STIM1: variants seen among roughly 807,000 people sequenced by gnomAD.
The protein encoded by STIM1 is stromal interaction molecule 1.
In STIM1, 25 loss-of-function variants were observed where a neutral mutation model predicts 74.7. That is an observed-to-expected ratio of 0.33 (90% confidence interval 0.24 to 0.47). STIM1 has a LOEUF of 0.47. Ranked by LOEUF, STIM1 falls within the 20% of genes least tolerant of loss-of-function variation. The probability of loss-of-function intolerance (pLI) is 1.00; values close to 1 mark genes in which losing one functional copy is unlikely to be tolerated. For synonymous variants in STIM1, 328 were observed against 348.8 expected, an observed-to-expected ratio of 0.94 and a Z score of 0.66; for missense variants, 728 against 920.8, an observed-to-expected ratio of 0.79 and a Z score of 2.71.
intron 2 of STIM1, among the ~76,000 whole-genome samples, chr11:3,984,600 G>A (rs998815964): frequency 2.6e-5 from 4 of 152,174 alleles, no homozygotes; most frequent in Non-Finnish European, 4.4e-5. Flanking sequence ...CAAGTTATTT[G>A]GCCCAGCTCA....
At chr11:3,973,946 A>C (rs896182326) in intron 2 of STIM1, 1 of 554,952 alleles carries the variant, frequency 1.8e-6, no homozygotes, top group East Asian at 3.0e-5. Flanking sequence ...TATCCTTTTC[A>C]TAGTTAAGTG....
At chr11:3,954,929 C>T (rs762037189) in intron 1 of STIM1, among the ~76,000 whole-genome samples, 2 of 152,162 alleles carry the variant, frequency 1.3e-5, no homozygotes, top group Non-Finnish European at 2.9e-5. Context: ...AACATATGTT[C>T]ATACAAAGAC....
intron 2 of STIM1, among the ~76,000 whole-genome samples, chr11:4,012,027 T>C (rs1394182254): frequency 6.6e-6 from 1 of 152,170 alleles, no homozygotes; most frequent in Non-Finnish European, 1.5e-5. Context: ...AAATATTAGA[T>C]GGTTGTAGAT....
At chr11:4,001,901 G>A (rs1186557789) in intron 2 of STIM1, among the ~76,000 whole-genome samples, 3 of 136,452 alleles carry the variant, frequency 2.2e-5, no homozygotes, top group African/African-American at 2.8e-5. Context: ...GATCTACCAA[G>A]CAAATGGAAA....
rs199743104 is a variant in STIM1 at position 4,070,042 on chromosome 11, C to G, written c.630C>G (p.His210Gln). The change falls in exon 6 of 13, where the codon CAC becomes CAG. Residue 210 changes from histidine to glutamine, a missense_variant. This residue lies in a region of STIM1 where 132 missense variants were observed against 158.2 expected (regional missense o/e 0.83). Transcript: ENST00000526596. Reference protein sequence around the residue: ...FGPPLLTRHNHLKDFMLVVSI... With the variant: ...FGPPLLTRHNQLKDFMLVVSI... Reference sequence around the variant, plus strand: ...CTCTGGCAGTGACTCGCCATAATCACCTCAAGGACTTCATGCTGGTGGTGT... The same window carrying G: ...CTCTGGCAGTGACTCGCCATAATCAGCTCAAGGACTTCATGCTGGTGGTGT... 1 of 1,614,158 alleles carries G rather than the reference C, an allele frequency of 6.2e-7. No homozygotes were observed. The highest frequency in any genetic ancestry group is 1.7e-5 in the Admixed American group (1 of 60,012).
chr11:4,028,370 C>CCACACTTGGCCAG, intron 3 of STIM1, among the ~76,000 whole-genome samples: 1 of 151,992 alleles, frequency 6.6e-6, no homozygotes, highest in African/African-American at 2.4e-5. Flanking sequence ...GCGTGAGCCA[C>CCACACTTGGCCAG]TGTGCCTGGT....
At chr11:4,012,103 A>T (rs978271071) in intron 2 of STIM1, among the ~76,000 whole-genome samples, 7 of 152,210 alleles carry the variant, frequency 4.6e-5, no homozygotes, top group African/African-American at 1.7e-4. Flanking sequence ...TGGTACCAGT[A>T]CCATGCTGTT....
intron 12 of STIM1, chr11:4,086,827 A>G: frequency 6.5e-7 from 1 of 1,535,816 alleles, no homozygotes; most frequent in Non-Finnish European, 8.7e-7. Flanking sequence ...TTCTGACAGC[A>G]CCGCTGTGAT....
At chr11:3,863,736 A>C (rs2090733449) in intron 1 of STIM1, among the ~76,000 whole-genome samples, 2 of 152,130 alleles carry the variant, frequency 1.3e-5, no homozygotes, top group Non-Finnish European at 2.9e-5. Context: ...TTAGTCACTT[A>C]GTAGCCATCT....
chr11:4,002,527 C>G (rs2093729266), intron 2 of STIM1, among the ~76,000 whole-genome samples: 2 of 148,988 alleles, frequency 1.3e-5, no homozygotes, highest in Admixed American at 1.3e-4. Flanking sequence ...TAAAGATGTT[C>G]TTTGAAACCA....
chr11:3,973,050 C>T (rs1005277687), intron 2 of STIM1: 1 of 454,472 alleles, frequency 2.2e-6, no homozygotes, highest in African/African-American at 2.0e-5. Flanking sequence ...AGCTGACACT[C>T]CTGCTGTAGC....
intron 2 of STIM1, among the ~76,000 whole-genome samples, chr11:3,989,930 T>G (rs2093594126): frequency 6.6e-6 from 1 of 152,370 alleles, no homozygotes; most frequent in African/African-American, 2.4e-5. Flanking sequence ...ATTCACCCAT[T>G]TATATACAAT....
intron 2 of STIM1, among the ~76,000 whole-genome samples, chr11:4,007,562 A>G (rs1271712087): frequency 6.6e-6 from 1 of 152,130 alleles, no homozygotes; most frequent in African/African-American, 2.4e-5. Context: ...GGCAGGGGAG[A>G]TAGACATCTA....
intron 1 of STIM1, among the ~76,000 whole-genome samples, chr11:3,900,160 C>T (rs2092310682): frequency 6.6e-6 from 1 of 152,204 alleles, no homozygotes; most frequent in Admixed American, 6.5e-5. Context: ...CCCCCAGCCT[C>T]ACTGCTGCCT....
intron 2 of STIM1, among the ~76,000 whole-genome samples, chr11:3,980,659 A>AAAC (rs368458291): frequency 2.0e-4 from 28 of 142,704 alleles, no homozygotes; most frequent in Non-Finnish European, 3.2e-4. Flanking sequence ...GCCTGGAACA[A>AAAC]AACAACAACA....
chr11:4,049,774 C>T (rs879476022), intron 3 of STIM1, among the ~76,000 whole-genome samples: 7 of 144,494 alleles, frequency 4.8e-5, no homozygotes, highest in South Asian at 2.2e-4. Context: ...ATGCTTAGAA[C>T]GTGAATGATG....
chr11:3,981,397 G>A (rs950308392), intron 2 of STIM1, among the ~76,000 whole-genome samples: 1 of 152,138 alleles, frequency 6.6e-6, no homozygotes, highest in African/African-American at 2.4e-5. Flanking sequence ...TCATGAACTA[G>A]GTTTTATTCA....
At chr11:4,023,096 C>T (rs917810738) in intron 2 of STIM1, among the ~76,000 whole-genome samples, 1 of 152,100 alleles carries the variant, frequency 6.6e-6, no homozygotes, top group Non-Finnish European at 1.5e-5. Context: ...TTTCGGAGAC[C>T]GAGATGGGTG....
At chr11:3,956,936 T>C (rs2093222468) in intron 1 of STIM1, among the ~76,000 whole-genome samples, 1 of 151,076 alleles carries the variant, frequency 6.6e-6, no homozygotes, top group South Asian at 2.1e-4. Flanking sequence ...GAATACCTAG[T>C]ATGTGTCAGG....
Sources: allele counts gnomAD v4.1 joint callset (sites outside exome capture counted in the v4.1 genomes callset), GRCh38; gene constraint gnomAD v4.1.1; regional missense constraint gnomAD v4.1.1; transcripts MANE v1.5; gene names NCBI Gene and HGNC (gene_info 2026-07-23, HGNC 2026-07-21).